Variants in GALNTL6 observed in about 807,000 individuals in gnomAD.
GALNTL6 encodes the protein polypeptide N-acetylgalactosaminyltransferase-like 6.
Under a neutral mutation model 73.7 loss-of-function variants are expected in GALNTL6, and 46 were observed. The ratio of observed to expected loss-of-function variants is 0.62; its 90% CI spans 0.49 to 0.80. The LOEUF is 0.80. Among genes scored for constraint, GALNTL6 ranks in the 30% least tolerant of loss-of-function variants. The probability of loss-of-function intolerance (pLI) is 0.00; values close to 1 mark genes in which losing one functional copy is unlikely to be tolerated. For missense variants in GALNTL6, 604 were observed against 755.0 expected (o/e 0.80, Z 2.34); for synonymous variants, 259 against 263.7 (o/e 0.98, Z 0.17).
intron 5 of GALNTL6, among the ~76,000 whole-genome samples, chr4:172,428,504 A>G (rs1458192200): frequency 6.6e-6 from 1 of 152,182 alleles, no homozygotes; most frequent in East Asian, 1.9e-4. Flanking sequence ...AGATGCTTGC[A>G]TTACCATCAG....
intron 2 of GALNTL6, among the ~76,000 whole-genome samples, chr4:171,905,651 C>A (rs1168958195): frequency 1.3e-5 from 2 of 150,290 alleles, no homozygotes; most frequent in Non-Finnish European, 2.9e-5. Context: ...ACCTAATAGA[C>A]ATCTACAGAA....
chr4:172,788,820 T>G (rs997988062), intron 5 of GALNTL6, among the ~76,000 whole-genome samples: 15 of 152,160 alleles, frequency 9.9e-5, no homozygotes, highest in South Asian at 2.1e-4. Context: ...GATAGGCTGG[T>G]CTTGTAAGGC....
intron 2 of GALNTL6, among the ~76,000 whole-genome samples, chr4:172,124,283 A>G (rs1393646455): frequency 3.3e-5 from 5 of 152,202 alleles, no homozygotes; most frequent in Non-Finnish European, 2.9e-5. Context: ...TACATAATTC[A>G]CCAAATTAAT....
intron 3 of GALNTL6, among the ~76,000 whole-genome samples, chr4:172,292,293 C>A (rs1298084211): frequency 6.6e-6 from 1 of 151,866 alleles, no homozygotes; most frequent in Non-Finnish European, 1.5e-5. Flanking sequence ...AACTTCCTGA[C>A]ATCTGCAAAC....
At chr4:172,344,494 T>G (rs1578977378) in intron 4 of GALNTL6, among the ~76,000 whole-genome samples, 1 of 152,328 alleles carries the variant, frequency 6.6e-6, no homozygotes, top group South Asian at 2.1e-4. Context: ...TTGCTAGAAT[T>G]ATTACAAGGG....
intron 2 of GALNTL6, among the ~76,000 whole-genome samples, chr4:171,960,649 A>AT (rs199935003): frequency 0.025 from 3,636 of 148,406 alleles, 129 homozygotes; most frequent in African/African-American, 0.07. Flanking sequence ...GTATATATAA[A>AT]TTTTTTTAAA....
intron 2 of GALNTL6, among the ~76,000 whole-genome samples, chr4:171,977,833 G>A (rs1310226920): frequency 1.3e-5 from 2 of 152,050 alleles, no homozygotes; most frequent in Non-Finnish European, 2.9e-5. Flanking sequence ...TTGCTCTTAC[G>A]ATGTATTTCT....
intron 2 of GALNTL6, among the ~76,000 whole-genome samples, chr4:171,925,789 C>G (rs1244575126): frequency 1.3e-5 from 2 of 151,900 alleles, no homozygotes; most frequent in Non-Finnish European, 2.9e-5. Context: ...TAATAAGTAA[C>G]TAGGGGAAAA....
chr4:171,902,333 T>C (rs1464762120), intron 2 of GALNTL6, among the ~76,000 whole-genome samples: 3 of 152,206 alleles, frequency 2.0e-5, no homozygotes, highest in Middle Eastern at 3.2e-3. Flanking sequence ...AATTCAGGTG[T>C]CTGCAAATTT....
chr4:172,429,954 C>T (rs1158114579), intron 5 of GALNTL6, among the ~76,000 whole-genome samples: 2 of 152,012 alleles, frequency 1.3e-5, no homozygotes, highest in Admixed American at 1.3e-4. Context: ...CTAACTGCTT[C>T]AAACAGTTTT....
chr4:172,461,374 AT>A (rs539739527), intron 5 of GALNTL6, among the ~76,000 whole-genome samples: 90 of 152,170 alleles, frequency 5.9e-4, no homozygotes, highest in African/African-American at 1.7e-3. Flanking sequence ...GAAATAAAAG[AT>A]TTTTTTTCTC....
intron 5 of GALNTL6, among the ~76,000 whole-genome samples, chr4:172,470,835 C>T (rs1733020060): frequency 6.6e-6 from 1 of 152,124 alleles, no homozygotes; most frequent in African/African-American, 2.4e-5. Flanking sequence ...TATTCGTGTG[C>T]ATGGGCCTGC....
chr4:171,867,525 T>A (rs111943993), intron 2 of GALNTL6, among the ~76,000 whole-genome samples: 17 of 152,324 alleles, frequency 1.1e-4, no homozygotes, highest in African/African-American at 4.1e-4. Context: ...ATTTACCACT[T>A]GTTTCCATCC....
chr4:172,118,764 A>C (rs1258375439), intron 2 of GALNTL6, among the ~76,000 whole-genome samples: 4 of 151,970 alleles, frequency 2.6e-5, no homozygotes, highest in Non-Finnish European at 5.9e-5. Flanking sequence ...AATAAAAGAA[A>C]AAAAAGAAAG....
At chr4:172,149,812 G>C (rs1260779335) in intron 2 of GALNTL6, among the ~76,000 whole-genome samples, 2 of 152,062 alleles carry the variant, frequency 1.3e-5, no homozygotes, top group African/African-American at 4.8e-5. Context: ...GAATACCACT[G>C]TCCATACCCT....
At chr4:171,877,219 T>G (rs1736303135) in intron 2 of GALNTL6, among the ~76,000 whole-genome samples, 1 of 152,190 alleles carries the variant, frequency 6.6e-6, no homozygotes, top group African/African-American at 2.4e-5. Context: ...CAAAATGTTC[T>G]GGAAACTACA....
intron 11 of GALNTL6, among the ~76,000 whole-genome samples, chr4:173,009,610 G>A (rs1400253108): frequency 6.6e-6 from 1 of 152,206 alleles, no homozygotes; most frequent in Non-Finnish European, 1.5e-5. Context: ...TTTAACAGAG[G>A]AAGCCTGTAG....
chr4:172,405,420 TATATATATATATATATATATATA>T, intron 5 of GALNTL6, among the ~76,000 whole-genome samples: 9 of 1,478 alleles, frequency 6.1e-3, no homozygotes, highest in African/African-American at 0.024. Context: ...TATATATATA[TATATATATATATATATATATATA>T]TTTTTTTTTT....
chr4:172,057,717 AAAAAAAAAAAATATATATAT>A (rs1157798335), intron 2 of GALNTL6, among the ~76,000 whole-genome samples: 435 of 80,212 alleles, frequency 5.4e-3, no homozygotes, highest in African/African-American at 0.012. Context: ...AAAAAAAAAA[AAAAAAAAAAAATATATATAT>A]ATATATATAT....
Sources: gnomAD v4.1 joint callset for allele counts (sites outside exome capture counted in the v4.1 genomes callset) on GRCh38, gnomAD v4.1.1 for gene constraint, MANE v1.5 for transcripts, NCBI Gene and HGNC (gene_info 2026-07-23, HGNC 2026-07-21) for gene names.